TOP1: variants seen among roughly 807,000 people sequenced by gnomAD.
The protein encoded by TOP1 is DNA topoisomerase I, also known as DNA topoisomerase 1.
In TOP1, 10 loss-of-function variants were observed where a neutral mutation model predicts 111.1. The ratio of observed to expected loss-of-function variants is 0.09; its 90% CI spans 0.06 to 0.15. TOP1 has a LOEUF of 0.15. TOP1 is among the 10% of genes least tolerant of loss of function. TOP1 has a pLI of 1.00. For synonymous variants in TOP1, 271 were observed against 302.9 expected, an observed-to-expected ratio of 0.89 and a Z score of 1.10; for missense variants, 474 against 926.7, an observed-to-expected ratio of 0.51 and a Z score of 6.34.
At chr20:41,072,648 C>G in intron 3 of TOP1, 1 of 985,404 alleles carries the variant, frequency 1.0e-6, no homozygotes, top group Non-Finnish European at 1.2e-6. Context: ...GCACTCCTGC[C>G]GGTTTGGGGG....
chr20:41,077,947 C>CT (rs1568687197), intron 5 of TOP1, among the ~76,000 whole-genome samples: 2 of 120,754 alleles, frequency 1.7e-5, no homozygotes, highest in African/African-American at 7.0e-5. Context: ...TACAGTGTAC[C>CT]ATTTTTTTTT....
rs2034082053 is a variant in TOP1 at position 41,102,658 on chromosome 20, TTTAGA to T, written c.1308+1307_1308+1311del. Among the ~76,000 whole-genome samples the T allele has an allele frequency of 6.6e-6, 1 of 152,166 alleles. No individual in the cohort carries two copies. Among genetic ancestry groups the T allele is most frequent in the South Asian group, 2.1e-4 (1 of 4,834 alleles). On this transcript the variant is annotated intron_variant, in intron 13 of 20. Transcript: ENST00000361337. This position sits in a 1 kb window ranked among gnomAD's most constrained non-coding sequence, Gnocchi z 4.0. ...TAAAAATAAAATGTAGTTTTTGTAG[TTTAGA>T]TAAGTACAAAATCAGAAAGCGAACA...
At chr20:41,042,654 T>C (rs1209813787) in intron 2 of TOP1, among the ~76,000 whole-genome samples, 1 of 152,198 alleles carries the variant, frequency 6.6e-6, no homozygotes, top group African/African-American at 2.4e-5. Flanking sequence ...TAGTTGACGC[T>C]TGAACAACAC....
intron 3 of TOP1, chr20:41,072,411 T>A: frequency 4.1e-6 from 4 of 985,366 alleles, no homozygotes; most frequent in Non-Finnish European, 4.8e-6. Context: ...AAACATATCC[T>A]AAGCCTTTTG....
At position 41,113,879 on chromosome 20, in the gene TOP1, CAAAAAAAAAAAA is replaced by C. The variant is rs552197714; in HGVS notation, c.1453-82_1453-71del. 7.6e-6 allele frequency: 5 copies of C among 662,226 alleles called. No individual in the cohort carries two copies. The African/African-American group carries it at 1.2e-4, about 16-fold the overall frequency. The allele number at this position is 662,226 out of a possible 1,614,324, so 41.0% of individuals were successfully genotyped here. On this transcript the variant is annotated intron_variant, in intron 14 of 20. Coordinates refer to ENST00000361337, the MANE Select transcript of TOP1 (RefSeq NM_003286.4). ...GCCTGGCGACAGAGCGAGACTGTCT[CAAAAAAAAAAAA>C]AAAAAAAACACAGAACGAAATTGTG...
chr20:41,068,697 CTT>C (rs2033636522), intron 3 of TOP1, among the ~76,000 whole-genome samples: 1 of 152,130 alleles, frequency 6.6e-6, no homozygotes, highest in African/African-American at 2.4e-5. Context: ...GGCCGGCCCT[CTT>C]TTAAAAAATA....
Position 41,029,475 on chromosome 20 carries a change from C to T in TOP1, c.58+20C>T. The T allele has an allele frequency of 6.4e-7, 1 of 1,554,294 alleles. No individual in the cohort carries two copies. The highest frequency in any genetic ancestry group is 1.2e-5 in the South Asian group (1 of 84,976). On this transcript the variant is annotated intron_variant, in intron 2 of 20. Transcript: ENST00000361337. The surrounding 1 kb of genome is among the most constrained non-coding windows in gnomAD (Gnocchi z 6.1). ...TGAATGGTGAGTGTGCCCCCTGCGC[C>T]GACTCCGGGGCCCCCCAGCCGCCGG... is the stretch of plus-strand genomic sequence containing the variant.
At chr20:41,066,557 C>CT (rs776922601) in intron 3 of TOP1, among the ~76,000 whole-genome samples, 22,337 of 129,330 alleles carry the variant, frequency 0.17, 2,869 homozygotes, top group East Asian at 0.68. Flanking sequence ...CTTTTCTTTT[C>CT]TTTTTTTTTT....
rs891857081 is a variant in TOP1, at chr20:41,028,954, T to C, written c.-114T>C. On this transcript the variant is annotated 5_prime_UTR_variant, in exon 1 of 21. Coordinates refer to ENST00000361337, the MANE Select transcript of TOP1 (RefSeq NM_003286.4). ...TCTCGGGCCCACAGTCACCGCCGCTTACCTGCGCCTCCTCGAGCCTCCGGA... is the reference window on the plus strand; with the variant it reads ...TCTCGGGCCCACAGTCACCGCCGCTCACCTGCGCCTCCTCGAGCCTCCGGA... 2.3e-6 allele frequency: 2 copies of C among 861,488 alleles called. No individual in the cohort carries two copies. The highest frequency in any genetic ancestry group is 6.1e-5 in the East Asian group (2 of 32,758). The allele number at this position is 861,488 out of a possible 1,614,324, so 53.4% of individuals were successfully genotyped here.
At position 41,094,095 on chromosome 20, in the gene TOP1, A is replaced by G. The variant is rs1042738546; in HGVS notation, c.730+1508A>G. ...ATAAATAAATAAAACATATTTATTG[A>G]ATGTATTTGTGGTCAGACACCAAGA... On this transcript the variant is annotated intron_variant, in intron 9 of 20. Transcript: ENST00000361337. This position sits in a 1 kb window ranked among gnomAD's most constrained non-coding sequence, Gnocchi z 4.4. Among the ~76,000 whole-genome samples, 3 of 152,156 alleles carry G rather than the reference A, an allele frequency of 2.0e-5. No individual in the cohort carries two copies. The highest frequency in any genetic ancestry group is 2.9e-5 in the Non-Finnish European group (2 of 68,010).
intron 2 of TOP1, among the ~76,000 whole-genome samples, chr20:41,051,368 AG>A (rs1426018201): frequency 1.3e-5 from 2 of 152,216 alleles, no homozygotes; most frequent in Non-Finnish European, 2.9e-5. Flanking sequence ...CTTATAAGGC[AG>A]CAAAGGACTC....
Position 41,116,464 on chromosome 20 carries a change from C to A in TOP1, c.1822+72C>A. ...TCCGGTGACCTTGCTTATCTAAGGC[C>A]TAGAGTCAGTTCTACTTTTTTTCCC... On this transcript the variant is annotated intron_variant, in intron 17 of 20. Coordinates refer to ENST00000361337, the MANE Select transcript of TOP1 (RefSeq NM_003286.4). This position sits in a 1 kb window ranked among gnomAD's most constrained non-coding sequence, Gnocchi z 5.6. The A allele has an allele frequency of 1.6e-6, 2 of 1,216,942 alleles. No homozygotes were observed. 75.4% of individuals were successfully genotyped at this position (1,216,942 alleles called of 1,614,324 possible).
chr20:41,124,194 A>G lies in TOP1; in HGVS notation c.*897A>G, dbSNP rs1383880265. ...ATTGTATAAAAAGTTTCACAGGTCA[A>G]TAAACTTAGAGGAAAATGAGTATTT... On this transcript the variant is annotated 3_prime_UTR_variant, in exon 21 of 21. Coordinates refer to ENST00000361337, the MANE Select transcript of TOP1 (RefSeq NM_003286.4). This position sits in a 1 kb window ranked among gnomAD's most constrained non-coding sequence, Gnocchi z 5.4. The G allele has an allele frequency of 2.1e-5, 5 of 232,928 alleles. No homozygotes were observed. Among genetic ancestry groups the G allele is most frequent in the Non-Finnish European group, 2.5e-5 (3 of 117,702 alleles). The allele number at this position is 232,928 out of a possible 1,614,324, so 14.4% of individuals were successfully genotyped here.
intron 2 of TOP1, among the ~76,000 whole-genome samples, chr20:41,035,778 A>G (rs535769256): frequency 2.6e-5 from 4 of 152,230 alleles, no homozygotes; most frequent in African/African-American, 7.2e-5. Flanking sequence ...TAGAAGTCCA[A>G]ATGTTAATCT....
intron 17 of TOP1, among the ~76,000 whole-genome samples, chr20:41,117,140 C>G (rs1600603863): frequency 6.6e-6 from 1 of 152,090 alleles, no homozygotes; most frequent in East Asian, 1.9e-4. Context: ...TCACTTGAAC[C>G]CAGGAGTTCC....
At position 41,078,913 on chromosome 20, in the gene TOP1, C is replaced by T. The variant is rs774318904; in HGVS notation, c.336-1172C>T. Among the ~76,000 whole-genome samples the T allele has an allele frequency of 6.6e-6, 1 of 152,124 alleles. No individual in the cohort carries two copies. Among genetic ancestry groups the T allele is most frequent in the African/African-American group, 2.4e-5 (1 of 41,426 alleles). ...TTGTTTTAGGACTTCTTCCTTCAGA[C>T]CTAAGTAACCCTTCCCACAGTTTTT... On this transcript the variant is annotated intron_variant, in intron 5 of 20. Transcript: ENST00000361337. The surrounding 1 kb of genome is among the most constrained non-coding windows in gnomAD (Gnocchi z 5.3).
At position 41,073,599 on chromosome 20, in the gene TOP1, T is replaced by C. The variant is rs569226607; in HGVS notation, c.156-2572T>C. On this transcript the variant is annotated intron_variant, in intron 3 of 20. Coordinates refer to ENST00000361337, the MANE Select transcript of TOP1 (RefSeq NM_003286.4). ...TTTAGTGGAAATATAAGGGTATTGA[T>C]ATGTAGTGGAGGCTGCTCTGAACTT... Among the ~76,000 whole-genome samples, 3 of 152,244 alleles carry C rather than the reference T, an allele frequency of 2.0e-5. No individual in the cohort carries two copies. The East Asian group carries it at 5.8e-4, about 29-fold the overall frequency.
At chr20:41,052,863 A>C (rs757288964) in intron 2 of TOP1, among the ~76,000 whole-genome samples, 25 of 152,038 alleles carry the variant, frequency 1.6e-4, no homozygotes, top group Non-Finnish European at 1.2e-4. Context: ...GATGGTATGC[A>C]CCTGTAATCC....
chr20:41,068,167 C>G (rs563739898), intron 3 of TOP1, among the ~76,000 whole-genome samples: 1 of 152,338 alleles, frequency 6.6e-6, no homozygotes, highest in East Asian at 1.9e-4. Context: ...TTAAAAATGT[C>G]AGATCACCTC....
Sources: gnomAD v4.1 joint callset for allele counts (sites outside exome capture counted in the v4.1 genomes callset) on GRCh38, gnomAD v4.1.1 for gene constraint, Gnocchi (gnomAD v3.1) non-coding constraint, MANE v1.5 for transcripts, NCBI Gene and HGNC (gene_info 2026-07-23, HGNC 2026-07-21) for gene names.